The following NPR2 variants were observed in gnomAD, a reference collection of about 807,000 sequenced individuals.
NPR2 encodes atrial natriuretic peptide receptor 2.
In NPR2, 49 loss-of-function variants were observed where a neutral mutation model predicts 120.7. That is an observed-to-expected ratio of 0.41 (90% CI 0.32 to 0.52). The LOEUF (loss-of-function observed/expected upper bound fraction) is 0.52, where lower values mean the gene tolerates loss of function less well. Among genes scored for constraint, NPR2 ranks in the 20% least tolerant of loss-of-function variants. The pLI is 0.36. For synonymous variants in NPR2, 484 were observed against 519.8 expected (o/e 0.93, Z 0.94); for missense variants, 931 against 1,362.9 (o/e 0.68, Z 4.99).
At chr9:35,799,316 G>T (rs1423054158) in intron 2 of NPR2, among the ~76,000 whole-genome samples, 1 of 151,936 alleles carries the variant, frequency 6.6e-6, no homozygotes, top group Non-Finnish European at 1.5e-5. Context: ...GGGCTTTGGG[G>T]ATGGGGTTGA....
Position 35,799,647 on chromosome 9 carries a change from C to A in NPR2, c.903C>A (p.Pro301=). The change falls in exon 3 of 22, where the codon CCC becomes CCA. Residue 301 remains proline (P), a synonymous_variant. Coordinates refer to ENST00000342694, the MANE Select transcript of NPR2 (RefSeq NM_003995.4). The part of the protein sequence containing the change: ...QTVLVITYRE[P]PNPEYQEFQN... ...TATTGGTGATCACGTACCGAGAACC[C>A]CCAAATCCTGAGTATCAGGAATTCC... 1 of 1,614,056 alleles carries A rather than the reference C, an allele frequency of 6.2e-7. No individual in the cohort carries two copies. The highest frequency in any genetic ancestry group is 1.1e-5 in the South Asian group (1 of 91,060).
chr9:35,807,335 G>A lies in NPR2; in HGVS notation c.2649G>A (p.Val883=). The A allele has an allele frequency of 6.2e-7, 1 of 1,613,112 alleles. No individual in the cohort carries two copies. ...LSAESTPMQV[V]TLLNDLYTCF... ...TGCTTTTCTATCCCTTTTAGGTAGT[G>A]ACACTTCTTAATGACCTGTATACCT... The change falls in exon 18 of 22, where the codon GTG becomes GTA. Residue 883 remains valine (V), a synonymous_variant. Coordinates refer to ENST00000342694, the MANE Select transcript of NPR2 (RefSeq NM_003995.4).
chr9:35,797,769 TACTACA>T (rs1230910961), intron 2 of NPR2, among the ~76,000 whole-genome samples: 4 of 152,182 alleles, frequency 2.6e-5, no homozygotes, highest in East Asian at 1.9e-4. Flanking sequence ...TGTTTTTTGG[TACTACA>T]ACTACAACTA....
rs776008245 is a variant in NPR2, at chr9:35,806,564, T to C, written c.2519+26T>C. 4 of 1,613,848 alleles carry C rather than the reference T, an allele frequency of 2.5e-6. No homozygotes were observed. The South Asian group carries it at 4.4e-5, about 18-fold the overall frequency. The stretch of plus-strand genomic sequence containing the variant: ...GTGAGACTTTGTCCCCCTTCCTGTA[T>C]TTTCTTTTGGGATTCTGCTCTGTTG... On this transcript the variant is annotated intron_variant, in intron 16 of 21. Coordinates refer to ENST00000342694, the MANE Select transcript of NPR2 (RefSeq NM_003995.4). This position sits in a 1 kb window ranked among gnomAD's most constrained non-coding sequence, Gnocchi z 4.6.
At position 35,809,395 on chromosome 9, in the gene NPR2, C is replaced by G; in HGVS notation, c.3094C>G (p.Arg1032Gly). 6.2e-7 allele frequency: 1 copy of G among 1,614,132 alleles called. No individual in the cohort carries two copies. The highest frequency in any genetic ancestry group is 8.5e-7 in the Non-Finnish European group (1 of 1,180,022). The change falls in exon 22 of 22, where the codon CGA becomes GGA. Residue 1032 changes from arginine to glycine, a missense_variant. Transcript: ENST00000342694. This position sits in a 1 kb window ranked among gnomAD's most constrained non-coding sequence, Gnocchi z 4.1. ...CCACTTCCAGGGAAAAGGAAAGATGCGAACATACTGGCTCTTAGGAGAGCG... is the reference window on the plus strand; with the variant it reads ...CCACTTCCAGGGAAAAGGAAAGATGGGAACATACTGGCTCTTAGGAGAGCG... ...DVEMKGKGKM[R>G]TYWLLGERKG...
At position 35,793,040 on chromosome 9, in the gene NPR2, A is replaced by T. The variant is rs200830983; in HGVS notation, c.632A>T (p.Glu211Val). ...QVYAREPGGP[E>V]QATHFIRANG... ...TATGCCCGAGAGCCAGGGGGCCCCG[A>T]GCAGGCCACCCACTTCATCCGGGCC... The change falls in exon 1 of 22, where the codon GAG becomes GTG. Residue 211 changes from glutamate to valine, a missense_variant. Physicochemically the swap from Glu to Val is moderately radical, Grantham distance 121. Transcript: ENST00000342694. 2.5e-6 allele frequency: 4 copies of T among 1,605,594 alleles called. No homozygotes were observed. Among genetic ancestry groups the T allele is most frequent in the Non-Finnish European group, 3.4e-6 (4 of 1,176,078 alleles).
rs139836120 is a variant in NPR2, at chr9:35,800,320, G to A, written c.1124-69G>A. Reference sequence around the variant, plus strand: ...GGGAAGGGTAGACTCTGAGGGAGCCGTAGGCATGAGTGAGTGGGAGAGGAG... The same window carrying A: ...GGGAAGGGTAGACTCTGAGGGAGCCATAGGCATGAGTGAGTGGGAGAGGAG... On this transcript the variant is annotated intron_variant, in intron 4 of 21. Coordinates refer to ENST00000342694, the MANE Select transcript of NPR2 (RefSeq NM_003995.4). This position sits in a 1 kb window ranked among gnomAD's most constrained non-coding sequence, Gnocchi z 4.7. The A allele has an allele frequency of 4.7e-4, 689 of 1,474,898 alleles. No homozygotes were observed. Among genetic ancestry groups the A allele is most frequent in the Middle Eastern group, 5.2e-4 (3 of 5,790 alleles). The allele number at this position is 1,474,898 out of a possible 1,614,324, so 91.4% of individuals were successfully genotyped here.
rs190753852 is a variant in NPR2 at position 35,801,760 on chromosome 9, G to A, written c.1554G>A (p.Ser518=). 140 of 1,614,162 alleles carry A rather than the reference G, an allele frequency of 8.7e-5. No individual in the cohort carries two copies. The highest frequency in any genetic ancestry group is 1.3e-4 in the Admixed American group (8 of 60,030). ...HKGAGSRLTL[S]LRGSSYGSLM... is the part of the protein sequence containing the mutation. ...GTGCAGGCAGTCGCCTCACACTGTC[G>A]CTGGTGAGCCCTTGTCTCAGCTGTT... The change falls in exon 8 of 22, where the codon TCG becomes TCA. Residue 518 remains serine (S), a synonymous_variant. Coordinates refer to ENST00000342694, the MANE Select transcript of NPR2 (RefSeq NM_003995.4).
At position 35,799,417 on chromosome 9, in the gene NPR2, AAC is replaced by A. The variant is rs10603903; in HGVS notation, c.874-174_874-173del. 0.23 allele frequency among the ~76,000 whole-genome samples: 32,947 copies of A among 146,412 alleles called. 3,973 individuals carry two copies. Among genetic ancestry groups the A allele is most frequent in the East Asian group, 0.37 (1,862 of 5,038 alleles). On this transcript the variant is annotated intron_variant, in intron 2 of 21. Transcript: ENST00000342694. The stretch of plus-strand genomic sequence containing the variant: ...CCCTCTTCCCAGATGTATGCAACAC[AAC>A]ACACACACACACACACACACACACA...
chr9:35,806,290 G>C lies in NPR2; in HGVS notation c.2372+57G>C, dbSNP rs977069844. 1.5e-5 allele frequency: 24 copies of C among 1,610,946 alleles called. No homozygotes were observed. The highest frequency in any genetic ancestry group is 1.6e-5 in the Non-Finnish European group (19 of 1,177,390). ...AGGGATAGAAGACTCATTAGTCCTA[G>C]TGCATGAAGTGGGGCAGGTGGGACC... is the stretch of plus-strand genomic sequence containing the variant. On this transcript the variant is annotated intron_variant, in intron 15 of 21. Coordinates refer to ENST00000342694, the MANE Select transcript of NPR2 (RefSeq NM_003995.4). This position sits in a 1 kb window ranked among gnomAD's most constrained non-coding sequence, Gnocchi z 4.6.
intron 7 of NPR2, 125 bp downstream of exon 7, chr9:35,801,279 T>C: frequency 1.3e-6 from 1 of 786,432 alleles, no homozygotes. Flanking sequence ...GGTTGTCTCT[T>C]AGATCCAACA....
chr9:35,800,601 C>T lies in NPR2; in HGVS notation c.1219-108C>T. On this transcript the variant is annotated intron_variant, in intron 5 of 21. Coordinates refer to ENST00000342694, the MANE Select transcript of NPR2 (RefSeq NM_003995.4). This position sits in a 1 kb window ranked among gnomAD's most constrained non-coding sequence, Gnocchi z 4.7. ...GGATTTGTTTTCTCTGCTGGCACTG[C>T]ATCCTGGCTGGGTGGTAGGCTGGGG... 1 of 1,590,606 alleles carries T rather than the reference C, an allele frequency of 6.3e-7. No homozygotes were observed. The highest frequency in any genetic ancestry group is 8.6e-7 in the Non-Finnish European group (1 of 1,159,796).
At position 35,806,304 on chromosome 9, in the gene NPR2, G is replaced by T; in HGVS notation, c.2372+71G>T. 1 of 1,609,138 alleles carries T rather than the reference G, an allele frequency of 6.2e-7. No individual in the cohort carries two copies. Among genetic ancestry groups the T allele is most frequent in the Non-Finnish European group, 8.5e-7 (1 of 1,175,700 alleles). On this transcript the variant is annotated intron_variant, in intron 15 of 21. Transcript: ENST00000342694. The surrounding 1 kb of genome is among the most constrained non-coding windows in gnomAD (Gnocchi z 4.6). ...CATTAGTCCTAGTGCATGAAGTGGG[G>T]CAGGTGGGACCAGAGGGTGGGTTGG...
rs200018604 is a variant in NPR2, at chr9:35,807,193, G to A, written c.2643+47G>A. Reference sequence around the variant, plus strand: ...TGGCGGGTGGGGTTGGGTGGGTAGGGACCTGGGGAAGCCTCATTGATAATA... The same window carrying A: ...TGGCGGGTGGGGTTGGGTGGGTAGGAACCTGGGGAAGCCTCATTGATAATA... On this transcript the variant is annotated intron_variant, in intron 17 of 21. Transcript: ENST00000342694. 3,073 of 1,336,970 alleles carry A rather than the reference G, an allele frequency of 2.3e-3. 61 individuals carry two copies. Among genetic ancestry groups the A allele is most frequent in the South Asian group, 0.022 (1,890 of 85,182 alleles). 82.8% of individuals were successfully genotyped at this position (1,336,970 alleles called of 1,614,324 possible).
rs991041412 is a variant in NPR2, at chr9:35,792,166, C to T, written c.-243C>T. ...CTCGGTCCCTCCCTCCCCCTGCCAC[C>T]CCGTTCTCAGTCCTCAGTCCTTGCC... is the stretch of plus-strand genomic sequence containing the variant. On this transcript the variant is annotated 5_prime_UTR_variant, in exon 1 of 22. Transcript: ENST00000342694. 2 of 523,190 alleles carry T rather than the reference C, an allele frequency of 3.8e-6. No individual in the cohort carries two copies. The highest frequency in any genetic ancestry group is 2.0e-5 in the African/African-American group (1 of 50,950). 32.4% of individuals were successfully genotyped at this position (523,190 alleles called of 1,614,324 possible).
intron 2 of NPR2, among the ~76,000 whole-genome samples, chr9:35,795,125 C>T (rs1481758626): frequency 6.6e-6 from 1 of 152,164 alleles, no homozygotes; most frequent in Non-Finnish European, 1.5e-5. Flanking sequence ...ACATTTAAGA[C>T]CTTCTGCAGT....
In NPR2 at chr9:35,806,105, C is replaced by T; in HGVS notation, c.2244C>T (p.Phe748=). 6.2e-7 allele frequency: 1 copy of T among 1,614,226 alleles called. No homozygotes were observed. The highest frequency in any genetic ancestry group is 1.1e-5 in the South Asian group (1 of 91,088). Residue 748 remains phenylalanine (F), a synonymous_variant, in exon 15 of 22, where the codon TTC becomes TTT. Coordinates refer to ENST00000342694, the MANE Select transcript of NPR2 (RefSeq NM_003995.4). This position sits in a 1 kb window ranked among gnomAD's most constrained non-coding sequence, Gnocchi z 4.6. ...TACGAAATGGTCAGCGGCCATATTTCCGGCCAAGCATTGACCGGACCCAAC... is the reference window on the plus strand; with the variant it reads ...TACGAAATGGTCAGCGGCCATATTTTCGGCCAAGCATTGACCGGACCCAAC... ...QKVRNGQRPY[F]RPSIDRTQLN...
At chr9:35,804,417 G>A (rs1828287428) in intron 12 of NPR2, among the ~76,000 whole-genome samples, 1 of 152,058 alleles carries the variant, frequency 6.6e-6, no homozygotes, top group African/African-American at 2.4e-5. Flanking sequence ...ATTTTTGGTA[G>A]AGGTGGGGTT....
intron 1 of NPR2, 44 bp from the exon 2 acceptor site, chr9:35,793,854 G>A (rs1339390666): frequency 1.3e-6 from 2 of 1,597,026 alleles, no homozygotes; most frequent in African/African-American, 2.7e-5. Context: ...TGGGGGACCT[G>A]GATACCTTCT....
Sources: allele counts gnomAD v4.1 joint callset (sites outside exome capture counted in the v4.1 genomes callset), GRCh38; gene constraint gnomAD v4.1.1; non-coding constraint Gnocchi (gnomAD v3.1); transcripts MANE v1.5; gene names NCBI Gene and HGNC (gene_info 2026-07-23, HGNC 2026-07-21).